TMEM244: variants seen among roughly 807,000 people sequenced by gnomAD.
TMEM244 encodes the protein transmembrane protein 244.
Under a neutral mutation model 15.8 loss-of-function variants are expected in TMEM244, and 13 were observed. The observed-to-expected ratio is 0.82, with a 90% CI of 0.53 to 1.30. TMEM244 has a LOEUF of 1.30. Among genes scored for constraint, TMEM244 ranks in the 50% most tolerant of loss-of-function variants. The pLI is 0.00. For synonymous variants in TMEM244, 45 were observed against 48.7 expected (o/e 0.92, Z 0.32); for missense variants, 161 against 144.9 (o/e 1.11, Z -0.57).
At chr6:129,841,090 T>G (rs1460208295) in intron 3 of TMEM244, among the ~76,000 whole-genome samples, 2 of 152,166 alleles carry the variant, frequency 1.3e-5, no homozygotes, top group African/African-American at 4.8e-5. Flanking sequence ...ACCCAAAGAA[T>G]TATAAATCTT....
At position 129,831,320 on chromosome 6, in the gene TMEM244, TA is replaced by T; in HGVS notation, c.385del (p.Ter129ArgfsTer8). 1 of 1,534,752 alleles carries T rather than the reference TA, an allele frequency of 6.5e-7. No individual in the cohort carries two copies. The highest frequency in any genetic ancestry group is 9.0e-7 in the Non-Finnish European group (1 of 1,108,192). Reference protein sequence around the residue: ...AALGISKLLV* With the variant: ...AALGISKLLVX ...CATTATTTCTGTGCATTAGAGAATC[TA>T]AACAAGCAATTTTGATATACCTAAA... is the stretch of plus-strand genomic sequence containing the variant. On this transcript the variant is annotated frameshift_variant and stop_lost, in exon 5 of 5. Coordinates refer to ENST00000368143, the MANE Select transcript of TMEM244 (RefSeq NM_001010876.2). LOFTEE classifies it high-confidence loss of function.
chr6:129,835,916 A>T (rs922813591), intron 3 of TMEM244, among the ~76,000 whole-genome samples: 4 of 152,182 alleles, frequency 2.6e-5, no homozygotes. Context: ...TGGAAGCACG[A>T]ACTGGGTGGA....
chr6:129,855,772 T>C (rs946724500), intron 1 of TMEM244, among the ~76,000 whole-genome samples: 1 of 152,184 alleles, frequency 6.6e-6, no homozygotes, highest in African/African-American at 2.4e-5. Context: ...ACTTTCATTA[T>C]TACTGATGGT....
At chr6:129,855,753 C>T (rs558701116) in intron 1 of TMEM244, among the ~76,000 whole-genome samples, 1 of 152,228 alleles carries the variant, frequency 6.6e-6, no homozygotes, top group East Asian at 1.9e-4. Flanking sequence ...TGAGAAGATG[C>T]ATAATATGAC....
At chr6:129,841,056 C>T (rs1322185219) in intron 3 of TMEM244, among the ~76,000 whole-genome samples, 2 of 152,146 alleles carry the variant, frequency 1.3e-5, no homozygotes, top group Non-Finnish European at 1.5e-5. Flanking sequence ...CCATTTGACC[C>T]ACCAATCCCA....
intron 2 of TMEM244, among the ~76,000 whole-genome samples, chr6:129,844,166 T>G (rs533553882): frequency 7.0e-4 from 107 of 152,120 alleles, no homozygotes; most frequent in Middle Eastern, 3.4e-3. Flanking sequence ...CAGAAAAAAG[T>G]GAAGTGAGCT....
chr6:129,843,372 T>A (rs1181835133), intron 3 of TMEM244, among the ~76,000 whole-genome samples, 158 bp downstream of exon 3: 1 of 152,120 alleles, frequency 6.6e-6, no homozygotes, highest in Admixed American at 6.6e-5. Context: ...ACTTTAAAAT[T>A]TTTGATGGCA....
intron 2 of TMEM244, among the ~76,000 whole-genome samples, chr6:129,845,129 T>A (rs1360665293): frequency 6.6e-6 from 1 of 152,200 alleles, no homozygotes; most frequent in East Asian, 1.9e-4. Context: ...ATAACTCTTT[T>A]TTGGATGATT....
chr6:129,857,893 T>C (rs1776739920), intron 1 of TMEM244, among the ~76,000 whole-genome samples: 1 of 151,452 alleles, frequency 6.6e-6, no homozygotes. Flanking sequence ...TTAGTTCTTA[T>C]TTTATTCAGT....
At chr6:129,843,494 C>T (rs1015794438) in intron 3 of TMEM244, 36 bp downstream of exon 3, 5 of 1,447,332 alleles carry the variant, frequency 3.5e-6, no homozygotes, top group African/African-American at 2.8e-5. Flanking sequence ...GCATTTAGTT[C>T]ACTAATTGAT....
intron 1 of TMEM244, among the ~76,000 whole-genome samples, chr6:129,849,508 C>T (rs1198732349): frequency 6.6e-6 from 1 of 151,864 alleles, no homozygotes; most frequent in Non-Finnish European, 1.5e-5. Flanking sequence ...AGTTACTGGG[C>T]AGGGTGGCAA....
At chr6:129,860,299 C>G (rs1158467035) in intron 1 of TMEM244, among the ~76,000 whole-genome samples, 1 of 152,112 alleles carries the variant, frequency 6.6e-6, no homozygotes, top group South Asian at 2.1e-4. Context: ...ACATAAATTA[C>G]GAAGTTTAAT....
intron 3 of TMEM244, among the ~76,000 whole-genome samples, chr6:129,840,161 G>A (rs763295135): frequency 3.3e-5 from 5 of 152,220 alleles, no homozygotes; most frequent in Admixed American, 2.0e-4. Context: ...GAGGCATCAC[G>A]CTACCTGACT....
At chr6:129,855,235 T>C (rs575569846) in intron 1 of TMEM244, among the ~76,000 whole-genome samples, 11 of 152,312 alleles carry the variant, frequency 7.2e-5, no homozygotes, top group African/African-American at 2.6e-4. Flanking sequence ...TACCCAAACT[T>C]CATAGACACT....
chr6:129,850,827 A>T (rs968379094), intron 1 of TMEM244, among the ~76,000 whole-genome samples: 1 of 152,246 alleles, frequency 6.6e-6, no homozygotes, highest in Non-Finnish European at 1.5e-5. Context: ...AGACATCTCA[A>T]TTCAGACTAG....
chr6:129,843,656 A>G, intron 2 of TMEM244, 53 bp from the exon 3 acceptor site: 1 of 1,259,670 alleles, frequency 7.9e-7, no homozygotes, highest in South Asian at 1.3e-5. Flanking sequence ...AGTTCATAAC[A>G]GCACATCAAA....
intron 3 of TMEM244, 34 bp downstream of exon 3, chr6:129,843,496 C>G (rs376089902): frequency 2.7e-6 from 4 of 1,498,940 alleles, no homozygotes; most frequent in Non-Finnish European, 3.7e-6. Flanking sequence ...ATTTAGTTCA[C>G]TAATTGATAA....
intron 1 of TMEM244, among the ~76,000 whole-genome samples, chr6:129,847,680 T>C (rs977345999): frequency 2.6e-5 from 4 of 152,062 alleles, no homozygotes; most frequent in Non-Finnish European, 5.9e-5. Flanking sequence ...TGTCCACCCC[T>C]AGCCCTGCTC....
rs1776518465 is a variant in TMEM244 at position 129,843,484 on chromosome 6, G to A, written c.193+46C>T. 6 of 1,319,226 alleles carry A rather than the reference G, an allele frequency of 4.5e-6. No homozygotes were observed. In the African/African-American group the frequency reaches 5.8e-5, roughly 13 times the overall value. The allele number at this position is 1,319,226 out of a possible 1,614,324, so 81.7% of individuals were successfully genotyped here. A position where few individuals can be genotyped will look rare whatever the true frequency, so the allele number is the denominator to read the frequency against. On this transcript the variant is annotated intron_variant, in intron 3 of 4. Coordinates refer to ENST00000368143, the MANE Select transcript of TMEM244 (RefSeq NM_001010876.2). ...TATTAAAAAATTTATGGGGTTAGTG[G>A]CATTTAGTTCACTAATTGATAAGAA... is the stretch of plus-strand genomic sequence containing the variant.
Sources: allele counts gnomAD v4.1 joint callset (sites outside exome capture counted in the v4.1 genomes callset), GRCh38; gene constraint gnomAD v4.1.1; transcripts MANE v1.5; gene names NCBI Gene and HGNC (gene_info 2026-07-23, HGNC 2026-07-21).